USP45: variants seen among roughly 807,000 people sequenced by gnomAD.
USP45 encodes the protein ubiquitin specific peptidase 45.
USP45 carries 89 observed loss-of-function variants against 95.8 expected under a neutral mutation model. The ratio of observed to expected loss-of-function variants is 0.93; its 90% CI spans 0.78 to 1.11. USP45 has a LOEUF of 1.11. Among genes scored for constraint, USP45 ranks in the 50% least tolerant of loss-of-function variants. USP45 has a pLI of 0.00. For missense variants in USP45, 898 were observed against 942.5 expected (o/e 0.95, Z 0.62); for synonymous variants, 281 against 316.2 (o/e 0.89, Z 1.18).
At chr6:99,480,489 A>G (rs1792122754) in intron 8 of USP45, among the ~76,000 whole-genome samples, 1 of 152,168 alleles carries the variant, frequency 6.6e-6, no homozygotes, top group South Asian at 2.1e-4. Context: ...CAGCCTGACC[A>G]ACATGGAGAA....
chr6:99,445,287 A>G (rs1319682194), intron 14 of USP45, among the ~76,000 whole-genome samples: 1 of 152,110 alleles, frequency 6.6e-6, no homozygotes, highest in African/African-American at 2.4e-5. Flanking sequence ...ATTCAAGACC[A>G]GCCTGGCCAA....
At chr6:99,482,524 A>G (rs1792667044) in intron 8 of USP45, 1 of 404,898 alleles carries the variant, frequency 2.5e-6, no homozygotes, top group Non-Finnish European at 4.3e-6. Context: ...AGACTAGGTG[A>G]GCCATTTAAT....
intron 7 of USP45, among the ~76,000 whole-genome samples, chr6:99,483,531 T>C (rs1792946706): frequency 6.6e-6 from 1 of 152,114 alleles, no homozygotes; most frequent in Non-Finnish European, 1.5e-5. Flanking sequence ...AATATAAACT[T>C]GGGACATTAA....
intron 13 of USP45, chr6:99,462,215 A>C: frequency 1.0e-6 from 1 of 978,690 alleles, no homozygotes; most frequent in Non-Finnish European, 1.2e-6. Context: ...AAAAATTTTC[A>C]ATAAAGAGTA....
intron 5 of USP45, chr6:99,501,850 A>G: frequency 8.4e-7 from 1 of 1,192,568 alleles, no homozygotes; most frequent in Non-Finnish European, 1.1e-6. Flanking sequence ...GGTTCCTGGG[A>G]AGTACCCTCT....
In USP45 at chr6:99,432,547, A is replaced by T. The variant is rs935647740; in HGVS notation, c.*3169T>A. ...TTCTAGAAACATGGCAAAAGAAAAAAAACAGTAGGAATAATATGTATTACT... is the reference window on the plus strand; with the variant it reads ...TTCTAGAAACATGGCAAAAGAAAAATAACAGTAGGAATAATATGTATTACT... On this transcript the variant is annotated 3_prime_UTR_variant, in exon 18 of 18. Transcript: ENST00000500704. 1 of 152,146 alleles carries T rather than the reference A, an allele frequency of 6.6e-6. No individual in the cohort carries two copies. The highest frequency in any genetic ancestry group is 1.5e-5 in the Non-Finnish European group (1 of 68,026). 9.4% of individuals were successfully genotyped at this position (152,146 alleles called of 1,614,324 possible).
chr6:99,435,719 T>G lies in USP45; in HGVS notation c.2442A>C (p.Leu814Phe). ...QAYLLFYERV[L>F] ...AAATAATCATTACCATTAATAGTTA[T>G]AATACTCTTTCATAGAAAAGAAGGT... Residue 814 changes from leucine (L) to phenylalanine (F), a missense_variant, in exon 18 of 18, where the codon TTA becomes TTC. Coordinates refer to ENST00000500704, the MANE Select transcript of USP45 (RefSeq NM_001346022.3). 1.2e-6 allele frequency: 2 copies of G among 1,611,738 alleles called. No homozygotes were observed. Among genetic ancestry groups the G allele is most frequent in the South Asian group, 2.2e-5 (2 of 90,844 alleles).
chr6:99,502,408 T>C (rs539504226), intron 5 of USP45, among the ~76,000 whole-genome samples: 3 of 152,272 alleles, frequency 2.0e-5, no homozygotes, highest in Admixed American at 2.0e-4. Flanking sequence ...CCTGAAGAAA[T>C]GGTAGGAACC....
intron 16 of USP45, among the ~76,000 whole-genome samples, chr6:99,437,787 A>G (rs1317018443): frequency 6.6e-6 from 1 of 152,172 alleles, no homozygotes; most frequent in Non-Finnish European, 1.5e-5. Context: ...GTTCCCAAGT[A>G]GCTGGGATTA....
chr6:99,435,812 C>A lies in USP45; in HGVS notation c.2349G>T (p.Gln783His), dbSNP rs768428664. Residue 783 changes from glutamine to histidine, a missense_variant, in exon 18 of 18, where the codon CAG (glutamine) becomes CAT (histidine). Transcript: ENST00000500704. ...LKAADNESAG[Q>H]WVHVSDTYLQ... ...AGTAAGTGTCACTAACATGGACCCA[C>A]TGGCCTGCTGATTCATTATCAGCCG... 4 of 1,613,388 alleles carry A rather than the reference C, an allele frequency of 2.5e-6. No individual in the cohort carries two copies. Among genetic ancestry groups the A allele is most frequent in the African/African-American group, 1.3e-5 (1 of 75,042 alleles).
At chr6:99,513,544 T>C (rs1800416525) in intron 1 of USP45, among the ~76,000 whole-genome samples, 1 of 152,222 alleles carries the variant, frequency 6.6e-6, no homozygotes. Context: ...AAACTGATTA[T>C]ATTTTCTCGC....
At chr6:99,512,364 G>A (rs1263285981) in intron 1 of USP45, among the ~76,000 whole-genome samples, 1 of 152,124 alleles carries the variant, frequency 6.6e-6, no homozygotes. Context: ...TCTTTCGACA[G>A]CAAAGTTATA....
At chr6:99,464,930 A>AC in intron 12 of USP45, 150 bp downstream of exon 12, 1 of 946,414 alleles carries the variant, frequency 1.1e-6, no homozygotes, top group Non-Finnish European at 1.5e-6. Flanking sequence ...ACTTACACAA[A>AC]CCCCCAAATC....
chr6:99,476,479 GAC>G (rs1397940985), intron 8 of USP45, among the ~76,000 whole-genome samples: 1 of 152,130 alleles, frequency 6.6e-6, no homozygotes, highest in Non-Finnish European at 1.5e-5. Context: ...ATGGCATAAA[GAC>G]ACAGTTTACT....
intron 5 of USP45, among the ~76,000 whole-genome samples, chr6:99,490,060 T>C (rs2128736963): frequency 6.6e-6 from 1 of 152,356 alleles, no homozygotes; most frequent in East Asian, 1.9e-4. Context: ...AGCAGATTAC[T>C]CTCTGAATCA....
chr6:99,513,637 C>A (rs1800430997), intron 1 of USP45, among the ~76,000 whole-genome samples: 1 of 152,138 alleles, frequency 6.6e-6, no homozygotes, highest in African/African-American at 2.4e-5. Context: ...AGGCATTTGA[C>A]CTACATACTG....
intron 2 of USP45, among the ~76,000 whole-genome samples, 191 bp from the exon 3 acceptor site, chr6:99,508,973 T>A (rs1460106417): frequency 6.6e-6 from 1 of 152,208 alleles, no homozygotes; most frequent in Non-Finnish European, 1.5e-5. Flanking sequence ...AATTATAGAA[T>A]GAGAAGAGAT....
At chr6:99,489,596 T>C (rs961646128) in intron 5 of USP45, among the ~76,000 whole-genome samples, 1 of 152,220 alleles carries the variant, frequency 6.6e-6, no homozygotes, top group Non-Finnish European at 1.5e-5. Flanking sequence ...TACCTAAGTA[T>C]ATGACACATA....
intron 8 of USP45, among the ~76,000 whole-genome samples, chr6:99,476,683 CAT>C (rs1583233574): frequency 6.6e-6 from 1 of 152,216 alleles, no homozygotes; most frequent in East Asian, 1.9e-4. Flanking sequence ...CCAACTTACA[CAT>C]GAGGACTCAG....
Sources: allele counts gnomAD v4.1 joint callset (sites outside exome capture counted in the v4.1 genomes callset), GRCh38; gene constraint gnomAD v4.1.1; transcripts MANE v1.5; gene names NCBI Gene and HGNC (gene_info 2026-07-23, HGNC 2026-07-21).